Variants in RBPJ observed in about 807,000 individuals in gnomAD.
RBPJ encodes the protein recombining binding protein suppressor of hairless.
A neutral mutation model predicts 67.8 loss-of-function variants in RBPJ; 9 were observed. That is an observed-to-expected ratio of 0.13 (90% CI 0.08 to 0.23). RBPJ has a LOEUF of 0.23. Among genes scored for constraint, RBPJ ranks in the 10% least tolerant of loss-of-function variants. RBPJ has a pLI of 1.00. For missense variants in RBPJ, 305 were observed against 595.6 expected, an observed-to-expected ratio of 0.51 and a Z score of 5.08; for synonymous variants, 198 against 203.3, an observed-to-expected ratio of 0.97 and a Z score of 0.22.
the RBPJ span, among the ~76,000 whole-genome samples, chr4:26,115,720 C>T: frequency 5.3e-5 from 8 of 152,178 alleles, no homozygotes; most frequent in African/African-American, 1.7e-4. Context: ...TTGCCTCTGA[C>T]TGTTTGCTGG....
At chr4:26,331,951 G>C (rs575933997) in intron 1 of RBPJ, among the ~76,000 whole-genome samples, 18 of 152,284 alleles carry the variant, frequency 1.2e-4, no homozygotes, top group African/African-American at 4.3e-4. Flanking sequence ...AGATGATCTG[G>C]TTTATGAACA....
At chr4:26,314,938 A>C (rs1722552330), upstream of RBPJ, among the ~76,000 whole-genome samples, 2 of 151,810 alleles carry the variant, frequency 1.3e-5, no homozygotes, top group African/African-American at 4.8e-5. Context: ...TGAGATCAAG[A>C]GTTTGAGAAC....
intron 1 of RBPJ, among the ~76,000 whole-genome samples, chr4:26,344,584 A>G (rs1234714488): frequency 6.6e-6 from 1 of 152,242 alleles, no homozygotes; most frequent in Non-Finnish European, 1.5e-5. Context: ...CATCACCTGG[A>G]GCTGACCTAC....
intron 1 of RBPJ, among the ~76,000 whole-genome samples, chr4:26,171,084 G>A (rs972691252): frequency 3.9e-5 from 6 of 152,134 alleles, no homozygotes; most frequent in South Asian, 2.1e-4. Flanking sequence ...CTGTGTTTGC[G>A]CTGTGCCTCT....
At chr4:26,230,458 C>G (rs1196515066) in intron 1 of RBPJ, among the ~76,000 whole-genome samples, 1 of 152,186 alleles carries the variant, frequency 6.6e-6, no homozygotes, top group East Asian at 1.9e-4. Flanking sequence ...TCACCAAAAC[C>G]CTTGCAGTTA....
At chr4:26,171,939 G>T (rs1254796362) in intron 1 of RBPJ, among the ~76,000 whole-genome samples, 1 of 152,194 alleles carries the variant, frequency 6.6e-6, no homozygotes, top group Non-Finnish European at 1.5e-5. Flanking sequence ...TATATGCCAT[G>T]GGCTTTAGGT....
chr4:26,362,585 C>CT (rs1181925144), intron 1 of RBPJ: 1 of 1,613,682 alleles, frequency 6.2e-7, no homozygotes, highest in Non-Finnish European at 8.5e-7. Context: ...CAAGCTGTGA[C>CT]TTACCTTAAC....
chr4:26,199,467 TACAC>T (rs1717904407), intron 1 of RBPJ, among the ~76,000 whole-genome samples: 1 of 152,004 alleles, frequency 6.6e-6, no homozygotes, highest in African/African-American at 2.4e-5. Context: ...GACGAGAAAA[TACAC>T]ACACATGTCA....
At chr4:26,234,934 C>T (rs549158945) in intron 1 of RBPJ, among the ~76,000 whole-genome samples, 3 of 152,038 alleles carry the variant, frequency 2.0e-5, no homozygotes, top group Admixed American at 6.6e-5. Flanking sequence ...CTCAAGTGAT[C>T]GCCCACCTCG....
chr4:26,414,360 G>A (rs1734345665), intron 3 of RBPJ, among the ~76,000 whole-genome samples: 1 of 152,070 alleles, frequency 6.6e-6, no homozygotes, highest in Non-Finnish European at 1.5e-5. Context: ...GTAGACATGA[G>A]GTTTAGCCAT....
chr4:26,282,907 T>C (rs1366998908), intron 1 of RBPJ, among the ~76,000 whole-genome samples: 2 of 150,216 alleles, frequency 1.3e-5, no homozygotes, highest in African/African-American at 4.9e-5. Flanking sequence ...TGTCCCTTTG[T>C]GTTTTAAGTG....
At chr4:26,348,705 TG>T (rs1726448994) in intron 1 of RBPJ, among the ~76,000 whole-genome samples, 1 of 152,118 alleles carries the variant, frequency 6.6e-6, no homozygotes, top group Non-Finnish European at 1.5e-5. Flanking sequence ...TTTTGTTTTT[TG>T]TTTTTTTTTG....
chr4:26,425,041 A>C, intron 7 of RBPJ: 1 of 400,310 alleles, frequency 2.5e-6, no homozygotes, highest in Admixed American at 4.3e-5. Flanking sequence ...TGTTCAGTAG[A>C]GGGCACTATA....
chr4:26,165,266 G>GT (rs1427153050), intron 1 of RBPJ, among the ~76,000 whole-genome samples: 1 of 152,180 alleles, frequency 6.6e-6, no homozygotes, highest in Non-Finnish European at 1.5e-5. Context: ...CATTTCTGCA[G>GT]TTTAGCTTTT....
chr4:26,320,954 G>A, upstream of RBPJ: 3 of 1,612,338 alleles, frequency 1.9e-6, no homozygotes, highest in Non-Finnish European at 2.5e-6. Flanking sequence ...AAGGGAAGGG[G>A]CGGGGGAGAG....
chr4:26,196,277 T>A (rs1467360818), intron 1 of RBPJ, among the ~76,000 whole-genome samples: 1 of 152,230 alleles, frequency 6.6e-6, no homozygotes, highest in Non-Finnish European at 1.5e-5. Flanking sequence ...TGATACCTGC[T>A]GCAACATGAA....
At chr4:26,275,678 T>C (rs1412176933) in intron 1 of RBPJ, among the ~76,000 whole-genome samples, 1 of 152,172 alleles carries the variant, frequency 6.6e-6, no homozygotes, top group East Asian at 1.9e-4. Flanking sequence ...GTTGCCAGGC[T>C]GGAGTGCAGT....
chr4:26,284,392 G>T (rs1452324838), intron 1 of RBPJ, among the ~76,000 whole-genome samples: 1 of 152,142 alleles, frequency 6.6e-6, no homozygotes, highest in Non-Finnish European at 1.5e-5. Context: ...ATTATTATTG[G>T]TAAGAAACTG....
chr4:26,335,089 T>A (rs953566391), intron 1 of RBPJ, among the ~76,000 whole-genome samples: 2 of 152,242 alleles, frequency 1.3e-5, no homozygotes, highest in African/African-American at 4.8e-5. Context: ...ATATCTGTTA[T>A]AGTGCTGTTG....
Sources: gnomAD v4.1 joint callset for allele counts (sites outside exome capture counted in the v4.1 genomes callset) on GRCh38, gnomAD v4.1.1 for gene constraint, MANE v1.5 for transcripts, NCBI Gene and HGNC (gene_info 2026-07-23, HGNC 2026-07-21) for gene names.